Variants in SETBP1 observed in about 807,000 individuals in gnomAD.
The protein encoded by SETBP1 is SET binding protein 1.
SETBP1 carries 9 observed loss-of-function variants against 101.0 expected under a neutral mutation model. The observed-to-expected ratio is 0.09, with a 90% CI of 0.05 to 0.16. The LOEUF is 0.16. Ranked by LOEUF, SETBP1 falls within the 10% of genes least tolerant of loss-of-function variation. The pLI is 1.00. For synonymous variants in SETBP1, 818 were observed against 788.5 expected (o/e 1.04, Z -0.63); for missense variants, 1,858 against 2,033.8 (o/e 0.91, Z 1.66).
intron 3 of SETBP1, among the ~76,000 whole-genome samples, chr18:44,914,206 C>A (rs111719976): frequency 3.9e-5 from 6 of 152,162 alleles, no homozygotes; most frequent in African/African-American, 1.4e-4. Context: ...AAGTAAACTG[C>A]AGTGTCGTGA....
At chr18:44,899,968 C>A (rs1445485566) in intron 3 of SETBP1, among the ~76,000 whole-genome samples, 1 of 152,114 alleles carries the variant, frequency 6.6e-6, no homozygotes, top group African/African-American at 2.4e-5. Context: ...GTTGCTGTTG[C>A]AATGACACAA....
chr18:45,058,044 G>A (rs1488313995), intron 5 of SETBP1, among the ~76,000 whole-genome samples: 1 of 152,196 alleles, frequency 6.6e-6, no homozygotes, highest in East Asian at 1.9e-4. Context: ...ACCAAAACCA[G>A]CTCAACCATT....
intron 3 of SETBP1, among the ~76,000 whole-genome samples, chr18:44,909,197 A>G (rs1322398195): frequency 2.0e-5 from 3 of 152,226 alleles, no homozygotes; most frequent in African/African-American, 7.2e-5. Context: ...GAAATGGGGA[A>G]CTTCTTTAAC....
At chr18:44,738,047 G>T (rs2070009929) in intron 2 of SETBP1, among the ~76,000 whole-genome samples, 1 of 152,184 alleles carries the variant, frequency 6.6e-6, no homozygotes, top group Non-Finnish European at 1.5e-5. Context: ...GGCATGTGCA[G>T]ATCCACATGG....
At chr18:45,012,071 G>A (rs761739263) in intron 4 of SETBP1, among the ~76,000 whole-genome samples, 2 of 152,212 alleles carry the variant, frequency 1.3e-5, no homozygotes, top group Non-Finnish European at 2.9e-5. Context: ...GGGAGTTGAA[G>A]AGAGACAGAC....
chr18:44,861,282 C>T (rs565588486), intron 2 of SETBP1, among the ~76,000 whole-genome samples: 2 of 139,214 alleles, frequency 1.4e-5, no homozygotes, highest in South Asian at 2.4e-4. Context: ...TCTGTCACCC[C>T]GGCTGGAGTG....
chr18:44,812,650 G>C (rs2071888088), intron 2 of SETBP1, among the ~76,000 whole-genome samples: 1 of 152,124 alleles, frequency 6.6e-6, no homozygotes, highest in Non-Finnish European at 1.5e-5. Context: ...GACTCCAGGA[G>C]AGTTGCCTTT....
intron 3 of SETBP1, among the ~76,000 whole-genome samples, chr18:44,898,215 ATATATT>A (rs2069954297): frequency 6.6e-6 from 1 of 152,180 alleles, no homozygotes; most frequent in Non-Finnish European, 1.5e-5. Flanking sequence ...ACTTGATTCT[ATATATT>A]TATAACTCAT....
At chr18:44,762,716 A>T (rs866257548) in intron 2 of SETBP1, among the ~76,000 whole-genome samples, 2 of 152,232 alleles carry the variant, frequency 1.3e-5, no homozygotes, top group African/African-American at 4.8e-5. Flanking sequence ...CAAGTCCTTC[A>T]AAGTATATTT....
chr18:45,056,193 T>C (rs919590141), intron 5 of SETBP1, among the ~76,000 whole-genome samples: 2 of 152,260 alleles, frequency 1.3e-5, no homozygotes, highest in Non-Finnish European at 2.9e-5. Flanking sequence ...CTATGTGGTA[T>C]ATAAAGTATT....
chr18:45,014,186 G>A (rs1226688178), intron 4 of SETBP1, among the ~76,000 whole-genome samples: 3 of 152,194 alleles, frequency 2.0e-5, no homozygotes, highest in African/African-American at 4.8e-5. Flanking sequence ...AACAGCCTGT[G>A]CCCATCCATT....
chr18:45,029,523 A>G (rs1005149100), intron 4 of SETBP1, among the ~76,000 whole-genome samples: 58 of 152,284 alleles, frequency 3.8e-4, no homozygotes, highest in African/African-American at 1.3e-3. Context: ...ATGAACTTTA[A>G]AGTAGTTTTT....
chr18:44,852,704 A>T (rs1420121911), intron 2 of SETBP1, among the ~76,000 whole-genome samples: 1 of 152,146 alleles, frequency 6.6e-6, no homozygotes, highest in Non-Finnish European at 1.5e-5. Flanking sequence ...AAGCAAGTAA[A>T]ATGGCTTTTC....
chr18:44,866,576 T>G (rs191430435), intron 2 of SETBP1, among the ~76,000 whole-genome samples: 1 of 152,154 alleles, frequency 6.6e-6, no homozygotes, highest in East Asian at 1.9e-4. Flanking sequence ...AATAGACGAG[T>G]AAAAATACAC....
intron 2 of SETBP1, among the ~76,000 whole-genome samples, chr18:44,835,710 GGTTT>G (rs1368083741): frequency 2.0e-5 from 3 of 152,312 alleles, no homozygotes; most frequent in African/African-American, 7.2e-5. Context: ...AAGGTCAAGT[GGTTT>G]GTTTGTGAAG....
chr18:44,924,513 C>A (rs183847627), intron 3 of SETBP1, among the ~76,000 whole-genome samples: 1 of 152,062 alleles, frequency 6.6e-6, no homozygotes, highest in Non-Finnish European at 1.5e-5. Flanking sequence ...ATATTAGCCA[C>A]TTTATTATTT....
At chr18:44,726,286 G>C (rs1045473693) in intron 2 of SETBP1, among the ~76,000 whole-genome samples, 1 of 152,176 alleles carries the variant, frequency 6.6e-6, no homozygotes, top group Non-Finnish European at 1.5e-5. Flanking sequence ...AAGGAAGGTA[G>C]GGACTTTGTT....
intron 4 of SETBP1, among the ~76,000 whole-genome samples, chr18:44,965,445 C>T (rs1039952359): frequency 6.6e-6 from 1 of 152,108 alleles, no homozygotes; most frequent in South Asian, 2.1e-4. Flanking sequence ...CTTATGCTTG[C>T]TTATTATATA....
intron 1 of SETBP1, among the ~76,000 whole-genome samples, chr18:44,685,468 C>G (rs1365834097): frequency 6.6e-6 from 1 of 152,170 alleles, no homozygotes. Context: ...TGGTGGCCAA[C>G]CTGGGGCCAG....
Sources: gnomAD v4.1 joint callset for allele counts (sites outside exome capture counted in the v4.1 genomes callset) on GRCh38, gnomAD v4.1.1 for gene constraint, MANE v1.5 for transcripts, NCBI Gene and HGNC (gene_info 2026-07-23, HGNC 2026-07-21) for gene names.